The following PRKN variants were observed in gnomAD, a reference collection of about 807,000 sequenced individuals.
PRKN encodes parkin RBR E3 ubiquitin protein ligase, also known as E3 ubiquitin-protein ligase parkin.
Under a neutral mutation model 59.5 loss-of-function variants are expected in PRKN, and 56 were observed. The observed-to-expected ratio is 0.94, with a 90% CI of 0.76 to 1.18. The LOEUF (loss-of-function observed/expected upper bound fraction) is 1.18. PRKN is among the 50% of genes most tolerant of loss of function. The probability of loss-of-function intolerance (pLI) is 0.00; values close to 1 mark genes in which losing one functional copy is unlikely to be tolerated. For missense variants in PRKN, 657 were observed against 596.4 expected (o/e 1.10, Z -1.06); for synonymous variants, 250 against 222.1 (o/e 1.13, Z -1.12).
At chr6:161,996,636 A>G (rs1017201769) in intron 5 of PRKN, among the ~76,000 whole-genome samples, 3 of 152,094 alleles carry the variant, frequency 2.0e-5, no homozygotes, top group African/African-American at 7.2e-5. Flanking sequence ...CAGACTCTCT[A>G]TTTGTTATAA....
intron 2 of PRKN, among the ~76,000 whole-genome samples, chr6:162,379,442 A>G (rs866693094): frequency 2.6e-5 from 4 of 152,160 alleles, no homozygotes; most frequent in Non-Finnish European, 5.9e-5. Context: ...TAAGAGAAAG[A>G]TATTTGACAT....
At chr6:161,864,673 T>C (rs995718330) in intron 6 of PRKN, among the ~76,000 whole-genome samples, 1 of 152,164 alleles carries the variant, frequency 6.6e-6, no homozygotes, top group Non-Finnish European at 1.5e-5. Flanking sequence ...TTTTGTTTTT[T>C]TGAGACAGAA....
chr6:162,061,190 G>C (rs565123699), intron 4 of PRKN, among the ~76,000 whole-genome samples: 1 of 152,232 alleles, frequency 6.6e-6, no homozygotes, highest in African/African-American at 2.4e-5. Flanking sequence ...CTCTTCATCT[G>C]AAAAGTAAGG....
intron 2 of PRKN, among the ~76,000 whole-genome samples, chr6:162,296,061 G>T (rs1399297754): frequency 6.6e-6 from 1 of 152,136 alleles, no homozygotes; most frequent in Non-Finnish European, 1.5e-5. Context: ...TCTGGGATTT[G>T]TTCATTTTAA....
intron 1 of PRKN, among the ~76,000 whole-genome samples, chr6:162,648,328 G>A: frequency 6.6e-6 from 1 of 151,610 alleles, no homozygotes; most frequent in East Asian, 1.9e-4. Context: ...TTAAAGCATG[G>A]CAGCATTCTT....
intron 1 of PRKN, among the ~76,000 whole-genome samples, chr6:162,584,445 C>A (rs1780928152): frequency 2.0e-5 from 3 of 151,900 alleles, no homozygotes; most frequent in African/African-American, 7.3e-5. Context: ...CCTGCCTTGC[C>A]CCTAAAAAGA....
At chr6:161,569,854 G>C (rs993198304) in intron 7 of PRKN, among the ~76,000 whole-genome samples, 1 of 152,118 alleles carries the variant, frequency 6.6e-6, no homozygotes, top group Admixed American at 6.6e-5. Context: ...CCTGCTCATT[G>C]AGAGGTAAGA....
At chr6:161,535,482 C>T (rs117691003) in intron 9 of PRKN, among the ~76,000 whole-genome samples, 3,121 of 152,216 alleles carry the variant, frequency 0.021, 44 homozygotes, top group Middle Eastern at 0.044. Flanking sequence ...AGAAAAGACA[C>T]CAGATGAGGC....
chr6:162,636,373 A>G (rs962616409), intron 1 of PRKN, among the ~76,000 whole-genome samples: 4 of 152,274 alleles, frequency 2.6e-5, no homozygotes, highest in African/African-American at 9.6e-5. Flanking sequence ...CCTCCTGTGG[A>G]GCAATGTGGG....
chr6:162,423,350 T>A (rs374273011), intron 2 of PRKN, among the ~76,000 whole-genome samples: 23 of 152,162 alleles, frequency 1.5e-4, no homozygotes, highest in African/African-American at 4.8e-4. Context: ...ACTAGGAAAT[T>A]CCCCAATCCT....
intron 6 of PRKN, among the ~76,000 whole-genome samples, chr6:161,839,798 G>GA (rs1173677161): frequency 6.6e-6 from 1 of 152,146 alleles, no homozygotes; most frequent in Non-Finnish European, 1.5e-5. Context: ...GGAACACACG[G>GA]AAAAAAGTCC....
At chr6:162,199,352 C>T (rs1328526002) in intron 4 of PRKN, among the ~76,000 whole-genome samples, 1 of 152,170 alleles carries the variant, frequency 6.6e-6, no homozygotes, top group East Asian at 1.9e-4. Context: ...TTATTATCCT[C>T]ACATCTAAAA....
intron 7 of PRKN, among the ~76,000 whole-genome samples, chr6:161,656,094 G>A (rs959568987): frequency 4.6e-5 from 7 of 152,180 alleles, no homozygotes; most frequent in Admixed American, 3.3e-4. Context: ...GTGGCAGCTC[G>A]GGTAACTTTG....
chr6:162,614,579 T>C (rs1281998502), intron 1 of PRKN, among the ~76,000 whole-genome samples: 1 of 152,124 alleles, frequency 6.6e-6, no homozygotes, highest in Non-Finnish European at 1.5e-5. Flanking sequence ...TTTTAAAACA[T>C]AAAAATATTT....
At chr6:161,792,425 C>T (rs1446241714) in intron 6 of PRKN, among the ~76,000 whole-genome samples, 4 of 152,152 alleles carry the variant, frequency 2.6e-5, no homozygotes, top group Non-Finnish European at 4.4e-5. Flanking sequence ...TGTGAAAGCA[C>T]AGAGCAGGAA....
At position 162,158,471 on chromosome 6, in the gene PRKN, G is replaced by A. The variant is rs147990832; in HGVS notation, c.534+42660C>T. 7.3e-4 allele frequency among the ~76,000 whole-genome samples: 108 copies of A among 147,646 alleles called. 4 individuals carry two copies. Among genetic ancestry groups the A allele is most frequent in the African/African-American group, 2.6e-3 (103 of 39,696 alleles). On this transcript the variant is annotated intron_variant, in intron 4 of 11. Transcript: ENST00000366898. ...TTTTGAGATGGAATCCCACTCTGTC[G>A]CCCAGGCTGGAGAGCAGCGGCACAA...
Position 161,548,383 on chromosome 6 carries a change from T to C in PRKN, c.1083+471A>G, listed in dbSNP as rs1032115952. ...TTGTTCATCTCTACTTAAAATGATT[T>C]TTATGACATAATAACATTTCAAGTT... On this transcript the variant is annotated intron_variant, in intron 9 of 11. Transcript: ENST00000366898. The surrounding 1 kb of genome is among the most constrained non-coding windows in gnomAD (Gnocchi z 4.2). Among the ~76,000 whole-genome samples the C allele has an allele frequency of 6.6e-6, 1 of 152,236 alleles. No homozygotes were observed. The highest frequency in any genetic ancestry group is 6.5e-5 in the Admixed American group (1 of 15,284).
intron 3 of PRKN, among the ~76,000 whole-genome samples, chr6:162,255,297 C>T (rs559096821): frequency 1.3e-5 from 2 of 152,114 alleles, no homozygotes; most frequent in East Asian, 3.9e-4. Context: ...AACTAGAAAG[C>T]AAAGGGATAA....
At chr6:161,994,309 C>T (rs566234256) in intron 5 of PRKN, among the ~76,000 whole-genome samples, 10 of 151,460 alleles carry the variant, frequency 6.6e-5, no homozygotes, top group South Asian at 2.1e-4. Context: ...AAAAAGCTTT[C>T]GACAAAATTC....
Sources: allele counts gnomAD v4.1 joint callset (sites outside exome capture counted in the v4.1 genomes callset), GRCh38; gene constraint gnomAD v4.1.1; non-coding constraint Gnocchi (gnomAD v3.1); transcripts MANE v1.5; gene names NCBI Gene and HGNC (gene_info 2026-07-23, HGNC 2026-07-21).